The following GTF2H2 variants were observed in gnomAD, a reference collection of about 807,000 sequenced individuals.
The protein encoded by GTF2H2 is general transcription factor IIH subunit 2.
In GTF2H2, 2 loss-of-function variants were observed where a neutral mutation model predicts 16.5. The ratio of observed to expected loss-of-function variants is 0.12; its 90% confidence interval spans 0.05 to 0.38. The LOEUF (loss-of-function observed/expected upper bound fraction) is 0.38, where lower values mean the gene tolerates loss of function less well. GTF2H2 is among the 10% of genes least tolerant of loss of function. GTF2H2 has a pLI of 0.99. For missense variants in GTF2H2, 20 were observed against 137.0 expected (o/e 0.15, Z 4.26); for synonymous variants, 8 against 44.1 (o/e 0.18, Z 3.24).
intron 8 of GTF2H2, chr5:71,055,025 T>C (rs1405319823): frequency 5.9e-5 from 10 of 170,630 alleles, no homozygotes; most frequent in Non-Finnish European, 1.2e-4. Context: ...TTAATAAATG[T>C]TAATAAAGGT....
intron 8 of GTF2H2, among the ~76,000 whole-genome samples, chr5:71,053,004 G>A (rs1270472273): frequency 1.2e-4 from 13 of 106,146 alleles, no homozygotes; most frequent in Admixed American, 2.3e-4. Flanking sequence ...CATGGCCTCA[G>A]GTGATCCTCC....
At chr5:71,055,485 A>C (rs1580994479) in intron 7 of GTF2H2, 28 bp from the exon 8 acceptor site, 2 of 1,439,852 alleles carry the variant, frequency 1.4e-6, no homozygotes, top group East Asian at 4.8e-5. Context: ...TCTTTAAATA[A>C]AATCCTATAT....
chr5:71,036,434 CAAACAACACAG>C (rs1751755024), intron 15 of GTF2H2, among the ~76,000 whole-genome samples: 1 of 88,536 alleles, frequency 1.1e-5, no homozygotes, highest in Non-Finnish European at 2.4e-5. Flanking sequence ...AAATAAATTT[CAAACAACACAG>C]ACAATGACCT....
chr5:71,055,108 G>A (rs1353060723), intron 8 of GTF2H2: 1 of 311,404 alleles, frequency 3.2e-6, no homozygotes, highest in Non-Finnish European at 5.8e-6. Context: ...ACATATTTTT[G>A]TACTATTGAT....
chr5:71,052,856 G>A (rs1369597943), intron 8 of GTF2H2, among the ~76,000 whole-genome samples: 1 of 74,710 alleles, frequency 1.3e-5, no homozygotes, highest in Non-Finnish European at 2.5e-5. Context: ...CAATCCTCCT[G>A]CCTCAGCCTC....
At chr5:71,044,176 A>C in intron 12 of GTF2H2, among the ~76,000 whole-genome samples, 1 of 95,514 alleles carries the variant, frequency 1.0e-5, no homozygotes, top group Non-Finnish European at 2.0e-5. Context: ...TCATGTTAAG[A>C]GGTATTTCCA....
At chr5:71,053,373 G>GT (rs1191405653) in intron 8 of GTF2H2, among the ~76,000 whole-genome samples, 1 of 141,596 alleles carries the variant, frequency 7.1e-6, no homozygotes, top group Non-Finnish European at 1.5e-5. Flanking sequence ...CAGAACACAC[G>GT]TAACACTTAT....
intron 14 of GTF2H2, among the ~76,000 whole-genome samples, chr5:71,039,663 T>G (rs1377310105): frequency 1.4e-5 from 2 of 145,862 alleles, no homozygotes; most frequent in Non-Finnish European, 3.0e-5. Flanking sequence ...TTACTCCTTT[T>G]ATTGTACTTT....
intron 8 of GTF2H2, among the ~76,000 whole-genome samples, chr5:71,054,469 C>T (rs1350940439): frequency 6.9e-6 from 1 of 144,904 alleles, no homozygotes; most frequent in African/African-American, 2.7e-5. Flanking sequence ...CTGAGGTGGG[C>T]GGATCGCTTG....
At chr5:71,038,478 C>A (rs1751874200) in intron 14 of GTF2H2, among the ~76,000 whole-genome samples, 1 of 87,808 alleles carries the variant, frequency 1.1e-5, no homozygotes, top group Non-Finnish European at 2.4e-5. Context: ...CTATGAATCT[C>A]CAACTATGAA....
rs1452794031 is a variant in GTF2H2 at position 71,052,922 on chromosome 5, T to G, written c.470+2430A>C. Among the ~76,000 whole-genome samples the G allele has an allele frequency of 6.1e-3, 568 of 92,642 alleles. 42 individuals carry two copies. Among genetic ancestry groups the G allele is most frequent in the Admixed American group, 0.025 (207 of 8,156 alleles). 60.8% of individuals were successfully genotyped at this position (92,642 alleles called of 152,430 possible). On this transcript the variant is annotated intron_variant, in intron 8 of 15. Transcript: ENST00000274400. ...CGCCACTGTGCCTGGCTAATTTTTT[T>G]TTTTTTTTTTTTTTTTTTTTTTTTT... is the stretch of plus-strand genomic sequence containing the variant.
rs1209437223 is a variant in GTF2H2 at position 71,052,270 on chromosome 5, C to T, written c.470+3082G>A. On this transcript the variant is annotated intron_variant, in intron 8 of 15. Coordinates refer to ENST00000274400, the Ensembl canonical transcript of GTF2H2. ...GCAACCTCTGCCTCCTGGGTTCATG[C>T]GATTCTCCTGCCTCAGCCTCCCGAG... 1.4e-4 allele frequency among the ~76,000 whole-genome samples: 19 copies of T among 132,932 alleles called. 4 individuals are homozygous for T. The highest frequency in any genetic ancestry group is 1.4e-3 in the East Asian group (7 of 4,904). The allele number at this position is 132,932 out of a possible 152,430, so 87.2% of individuals were successfully genotyped here. A position where few individuals can be genotyped will look rare whatever the true frequency, so the allele number is the denominator to read the frequency against.
intron 11 of GTF2H2, 145 bp downstream of exon 11, chr5:71,047,860 AT>A (rs1233403880): frequency 1.9e-3 from 225 of 117,238 alleles, no homozygotes; most frequent in East Asian, 5.0e-3. Context: ...GGTAGTTTTA[AT>A]TTTTTTTTTC....
chr5:71,053,314 G>A (rs545967278), intron 8 of GTF2H2, among the ~76,000 whole-genome samples: 16 of 142,236 alleles, frequency 1.1e-4, no homozygotes, highest in African/African-American at 4.3e-4. Context: ...GAGATGGGGG[G>A]GCCGAACAGA....
intron 8 of GTF2H2, among the ~76,000 whole-genome samples, chr5:71,052,260 TG>T (rs1440284425): frequency 7.4e-6 from 1 of 134,976 alleles, no homozygotes; most frequent in East Asian, 2.0e-4. Flanking sequence ...CTCTGCCTCC[TG>T]GGTTCATGCG....
intron 8 of GTF2H2, among the ~76,000 whole-genome samples, chr5:71,053,261 G>A (rs2150176909): frequency 7.1e-6 from 1 of 140,454 alleles, no homozygotes; most frequent in African/African-American, 2.7e-5. Flanking sequence ...AGAGGCCACT[G>A]GAGGGTTATT....
intron 11 of GTF2H2, among the ~76,000 whole-genome samples, chr5:71,046,604 A>G (rs1304123667): frequency 1.4e-5 from 2 of 138,246 alleles, no homozygotes; most frequent in Non-Finnish European, 3.1e-5. Context: ...ACTTTTTTCA[A>G]TATAAATGTA....
At chr5:71,055,209 A>G in intron 8 of GTF2H2, 143 bp downstream of exon 8, 1 of 773,622 alleles carries the variant, frequency 1.3e-6, no homozygotes, top group Non-Finnish European at 1.9e-6. Flanking sequence ...ACACCACACT[A>G]AACATCATAA....
At chr5:71,046,535 C>A in intron 11 of GTF2H2, among the ~76,000 whole-genome samples, 2 of 84,538 alleles carry the variant, frequency 2.4e-5, no homozygotes, top group Non-Finnish European at 4.5e-5. Flanking sequence ...CATTTTATTT[C>A]ATTAACATTT....
Sources: gnomAD v4.1 joint callset for allele counts (sites outside exome capture counted in the v4.1 genomes callset) on GRCh38, gnomAD v4.1.1 for gene constraint, MANE v1.5 for transcripts, NCBI Gene and HGNC (gene_info 2026-07-23, HGNC 2026-07-21) for gene names.